The following CREB5 variants were observed in gnomAD, a reference collection of about 807,000 sequenced individuals.
CREB5 encodes the protein cyclic AMP-responsive element-binding protein 5.
CREB5 carries 19 observed loss-of-function variants against 57.1 expected under a neutral mutation model. That is an observed-to-expected ratio of 0.33 (90% CI 0.23 to 0.49). The LOEUF is 0.49. Ranked by LOEUF, CREB5 falls within the 20% of genes least tolerant of loss-of-function variation. CREB5 has a pLI of 0.99. For synonymous variants in CREB5, 238 were observed against 238.3 expected (o/e 1.00, Z 0.01); for missense variants, 579 against 671.6 (o/e 0.86, Z 1.52).
At chr7:28,525,129 T>C (rs1304226988) in intron 4 of CREB5, among the ~76,000 whole-genome samples, 1 of 152,216 alleles carries the variant, frequency 6.6e-6, no homozygotes, top group Non-Finnish European at 1.5e-5. Flanking sequence ...CGACCTTCAG[T>C]TCCATCCATG....
At chr7:28,751,931 G>A (rs557591831) in intron 7 of CREB5, among the ~76,000 whole-genome samples, 6 of 152,046 alleles carry the variant, frequency 3.9e-5, no homozygotes, top group East Asian at 3.9e-4. Context: ...TACGAGTACC[G>A]GTCAGTTCTT....
At chr7:28,343,717 T>C (rs968742231) in intron 1 of CREB5, among the ~76,000 whole-genome samples, 3 of 152,258 alleles carry the variant, frequency 2.0e-5, no homozygotes, top group Non-Finnish European at 4.4e-5. Context: ...TCATTTCTTT[T>C]GGATGTATAC....
intron 1 of CREB5, among the ~76,000 whole-genome samples, chr7:28,301,781 G>C (rs925389114): frequency 6.6e-6 from 1 of 152,194 alleles, no homozygotes; most frequent in African/African-American, 2.4e-5. Flanking sequence ...TTAGCTCAGA[G>C]GAGGAGGATG....
At chr7:28,715,478 G>A (rs937606953) in intron 5 of CREB5, among the ~76,000 whole-genome samples, 2 of 152,190 alleles carry the variant, frequency 1.3e-5, no homozygotes, top group Non-Finnish European at 2.9e-5. Flanking sequence ...CAAGTATAAT[G>A]TATTAAATAA....
Position 28,334,093 on chromosome 7 carries a change from A to T in CREB5, c.-25+34652A>T, listed in dbSNP as rs75990573. On this transcript the variant is annotated intron_variant, in intron 1 of 9. Transcript: ENST00000396299. ...GATATAAGCCATTTTAACTGGGGTG[A>T]GAACATATCTCATTGTAGTTGTGAT... Among the ~76,000 whole-genome samples, 706 of 152,270 alleles carry T rather than the reference A, an allele frequency of 4.6e-3. 18 individuals are homozygous for T. In the East Asian group the frequency reaches 0.087, roughly 19 times the overall value.
At chr7:28,474,896 A>T (rs17645224) in intron 1 of CREB5, among the ~76,000 whole-genome samples, 42,243 of 152,076 alleles carry the variant, frequency 0.28, 6,610 homozygotes, top group Middle Eastern at 0.38. Context: ...TCAGCCTTGA[A>T]GGAAAACACT....
chr7:28,367,024 A>G (rs567723506), intron 1 of CREB5, among the ~76,000 whole-genome samples: 308 of 123,102 alleles, frequency 2.5e-3, no homozygotes, highest in African/African-American at 7.1e-3. Flanking sequence ...CCTTAAAACT[A>G]TCTGTGCATA....
intron 4 of CREB5, among the ~76,000 whole-genome samples, chr7:28,549,299 G>A (rs1487664112): frequency 6.6e-6 from 1 of 152,172 alleles, no homozygotes; most frequent in Non-Finnish European, 1.5e-5. Flanking sequence ...ATACTGCTGT[G>A]TATTCTTCAA....
chr7:28,436,203 A>G (rs1316466072), intron 1 of CREB5, among the ~76,000 whole-genome samples: 1 of 152,134 alleles, frequency 6.6e-6, no homozygotes, highest in Non-Finnish European at 1.5e-5. Flanking sequence ...CTCCAGTAAA[A>G]ATCAATGCCT....
At chr7:28,560,919 T>TGCGCGCGCGCGCGCGTGC (rs1562797827) in intron 4 of CREB5, among the ~76,000 whole-genome samples, 1 of 42,996 alleles carries the variant, frequency 2.3e-5, no homozygotes, top group African/African-American at 1.0e-4. Context: ...CGTGTGCGTG[T>TGCGCGCGCGCGCGCGTGC]GTGCGCGTGC....
At chr7:28,608,593 C>G (rs1220515904) in intron 5 of CREB5, among the ~76,000 whole-genome samples, 1 of 152,168 alleles carries the variant, frequency 6.6e-6, no homozygotes, top group Non-Finnish European at 1.5e-5. Flanking sequence ...TCTCCCTCCC[C>G]ACCAGCACAG....
At chr7:28,634,321 T>C (rs558812116) in intron 5 of CREB5, among the ~76,000 whole-genome samples, 1 of 152,352 alleles carries the variant, frequency 6.6e-6, no homozygotes, top group East Asian at 1.9e-4. Flanking sequence ...GATTAATGCA[T>C]GCTCATGGAT....
At chr7:28,692,390 A>G (rs564316253) in intron 5 of CREB5, among the ~76,000 whole-genome samples, 4 of 152,292 alleles carry the variant, frequency 2.6e-5, no homozygotes, top group African/African-American at 9.6e-5. Flanking sequence ...TGAGGTCGGG[A>G]GTTCAAGACC....
intron 1 of CREB5, among the ~76,000 whole-genome samples, chr7:28,463,595 A>G (rs1463674851): frequency 1.3e-5 from 2 of 152,090 alleles, no homozygotes; most frequent in South Asian, 2.1e-4. Context: ...TAGCTTTTTA[A>G]TGATGTTTTG....
chr7:28,677,579 G>A (rs981253800), intron 5 of CREB5, among the ~76,000 whole-genome samples: 1 of 152,160 alleles, frequency 6.6e-6, no homozygotes. Context: ...TCTCTTGGGG[G>A]TTTTTAACCT....
rs1341098594 is a variant in CREB5, at chr7:28,570,515, C to T, written c.442C>T (p.Pro148Ser). 6 of 1,613,874 alleles carry T rather than the reference C, an allele frequency of 3.7e-6. No homozygotes were observed. The highest frequency in any genetic ancestry group is 1.3e-5 in the African/African-American group (1 of 74,920). The change falls in exon 5 of 11, where the codon CCT (proline) becomes TCT (serine). Residue 148 changes from proline (P) to serine (S), a missense_variant. Transcript: ENST00000357727. Reference sequence around the variant, plus strand: ...GTCCAGCTCTGTCATCACTCAGGCACCTTCCACCAACCGCCAGATCGGGTA... The same window carrying T: ...GTCCAGCTCTGTCATCACTCAGGCATCTTCCACCAACCGCCAGATCGGGTA... ...PQSSSVITQA[P>S]STNRQIGPVP...
chr7:28,627,712 GC>G (rs1489410149), intron 5 of CREB5, among the ~76,000 whole-genome samples: 4 of 151,942 alleles, frequency 2.6e-5, no homozygotes, highest in East Asian at 3.9e-4. Flanking sequence ...CTTTCTAAGG[GC>G]CCCCTCTACC....
At chr7:28,312,906 A>G (rs1056337611) in intron 1 of CREB5, among the ~76,000 whole-genome samples, 2 of 152,222 alleles carry the variant, frequency 1.3e-5, no homozygotes, top group African/African-American at 4.8e-5. Context: ...AAAGAAAATA[A>G]TGCAGACCAA....
In CREB5 at chr7:28,412,831, C is replaced by T; in HGVS notation, c.-84C>T. On this transcript the variant is annotated 5_prime_UTR_variant, in exon 1 of 11. Coordinates refer to ENST00000357727, the MANE Select transcript of CREB5 (RefSeq NM_182898.4). The stretch of plus-strand genomic sequence containing the variant: ...TTTCTTCCTAATCTTGCTGGTGAAA[C>T]AGAAGTTACTAGAAAGAAAGGAAGA... The T allele has an allele frequency of 7.8e-7, 1 of 1,276,896 alleles. No individual in the cohort carries two copies. Among genetic ancestry groups the T allele is most frequent in the South Asian group, 2.0e-5 (1 of 50,582 alleles). The allele number at this position is 1,276,896 out of a possible 1,614,324, so 79.1% of individuals were successfully genotyped here. A position where few individuals can be genotyped will look rare whatever the true frequency, so the allele number is the denominator to read the frequency against.
Sources: gnomAD v4.1 joint callset for allele counts (sites outside exome capture counted in the v4.1 genomes callset) on GRCh38, gnomAD v4.1.1 for gene constraint, MANE v1.5 for transcripts, NCBI Gene and HGNC (gene_info 2026-07-23, HGNC 2026-07-21) for gene names.